The following RAB3GAP2 variants were observed in gnomAD, a reference collection of about 807,000 sequenced individuals.
RAB3GAP2 encodes rab3 GTPase-activating protein non-catalytic subunit.
Under a neutral mutation model 185.3 loss-of-function variants are expected in RAB3GAP2, and 87 were observed. The ratio of observed to expected loss-of-function variants is 0.47; its 90% CI spans 0.39 to 0.56. RAB3GAP2 has a LOEUF of 0.56. RAB3GAP2 is among the 20% of genes least tolerant of loss of function. RAB3GAP2 has a pLI of 0.00. For synonymous variants in RAB3GAP2, 554 were observed against 576.1 expected, an observed-to-expected ratio of 0.96 and a Z score of 0.55; for missense variants, 1,492 against 1,638.2, an observed-to-expected ratio of 0.91 and a Z score of 1.54.
intron 9 of RAB3GAP2, among the ~76,000 whole-genome samples, chr1:220,198,044 C>T (rs868090064): frequency 6.6e-6 from 1 of 152,138 alleles, no homozygotes; most frequent in Non-Finnish European, 1.5e-5. Context: ...ATTAATCCTA[C>T]TATTTTTTCC....
chr1:220,216,527 A>G (rs1229082328), intron 2 of RAB3GAP2, among the ~76,000 whole-genome samples: 1 of 152,186 alleles, frequency 6.6e-6, no homozygotes, highest in Non-Finnish European at 1.5e-5. Flanking sequence ...TGAGACTCCA[A>G]TTATACCAAC....
In RAB3GAP2 at chr1:220,214,945, ATTATAT is replaced by A. The variant is rs1282261054; in HGVS notation, c.181-972_181-967del. Among the ~76,000 whole-genome samples, 6 of 17,574 alleles carry A rather than the reference ATTATAT, an allele frequency of 3.4e-4. No homozygotes were observed. The East Asian group carries it at 0.01, about 30-fold the overall frequency. The allele number at this position is 17,574 out of a possible 152,430, so 11.5% of individuals were successfully genotyped here. A position where few individuals can be genotyped will look rare whatever the true frequency, so the allele number is the denominator to read the frequency against. ...CCCTTTTTCTTACAAGAATAGTAGC[ATTATAT>A]ATATATATATATATATATATATATA... is the stretch of plus-strand genomic sequence containing the variant. On this transcript the variant is annotated intron_variant, in intron 2 of 34. Coordinates refer to ENST00000358951, the MANE Select transcript of RAB3GAP2 (RefSeq NM_012414.4).
At chr1:220,176,948 T>TG (rs1339943311) in intron 21 of RAB3GAP2, among the ~76,000 whole-genome samples, 1 of 152,192 alleles carries the variant, frequency 6.6e-6, no homozygotes, top group Non-Finnish European at 1.5e-5. Flanking sequence ...AGGAACCTGC[T>TG]GGGCGACACA....
intron 4 of RAB3GAP2, among the ~76,000 whole-genome samples, chr1:220,212,619 G>A (rs1040123026): frequency 1.3e-5 from 2 of 151,840 alleles, no homozygotes; most frequent in Non-Finnish European, 2.9e-5. Flanking sequence ...TCAGCCTCCC[G>A]AGTAGCTGGG....
intron 24 of RAB3GAP2, 83 bp downstream of exon 24, chr1:220,170,805 TTCTC>T (rs1358065229): frequency 6.4e-6 from 7 of 1,094,698 alleles, no homozygotes; most frequent in African/African-American, 6.3e-5. Context: ...GTATTTTTCT[TTCTC>T]TATTCTTTCC....
intron 1 of RAB3GAP2, chr1:220,267,150 G>A (rs963790050): frequency 3.0e-5 from 36 of 1,194,374 alleles, no homozygotes; most frequent in Non-Finnish European, 4.4e-5. Flanking sequence ...CTGGCTTAAT[G>A]TCTCTATGAA....
chr1:220,235,476 G>A (rs1445949527), intron 1 of RAB3GAP2, among the ~76,000 whole-genome samples: 5 of 152,136 alleles, frequency 3.3e-5, no homozygotes, highest in Non-Finnish European at 5.9e-5. Context: ...TAAAAATAAT[G>A]TATATATCAA....
At chr1:220,237,539 A>G (rs1302489874) in intron 1 of RAB3GAP2, among the ~76,000 whole-genome samples, 1 of 152,236 alleles carries the variant, frequency 6.6e-6, no homozygotes. Context: ...TGAAGAAATT[A>G]AAATAATGAG....
intron 21 of RAB3GAP2, among the ~76,000 whole-genome samples, chr1:220,179,990 C>T (rs753143805): frequency 4.6e-5 from 7 of 152,000 alleles, no homozygotes; most frequent in East Asian, 3.9e-4. Flanking sequence ...TGTGAAACCC[C>T]GTCTCTACTA....
intron 7 of RAB3GAP2, among the ~76,000 whole-genome samples, chr1:220,206,761 T>C (rs1247244700): frequency 6.6e-6 from 1 of 152,230 alleles, no homozygotes; most frequent in Non-Finnish European, 1.5e-5. Context: ...CCTCAGACCT[T>C]TGCATGTGCT....
intron 19 of RAB3GAP2, among the ~76,000 whole-genome samples, chr1:220,183,422 AT>A (rs968315749): frequency 2.5e-4 from 37 of 147,348 alleles, no homozygotes; most frequent in Non-Finnish European, 2.1e-4. Flanking sequence ...CTAATTAAAA[AT>A]TTTTTTTTTT....
chr1:220,200,989 C>T (rs934450907), intron 9 of RAB3GAP2, among the ~76,000 whole-genome samples: 1 of 152,148 alleles, frequency 6.6e-6, no homozygotes, highest in Non-Finnish European at 1.5e-5. Flanking sequence ...GTGTGTCCTC[C>T]TCTGCTCCCA....
intron 21 of RAB3GAP2, among the ~76,000 whole-genome samples, chr1:220,178,719 GAC>G (rs1448980620): frequency 6.6e-6 from 1 of 151,302 alleles, no homozygotes; most frequent in Non-Finnish European, 1.5e-5. Flanking sequence ...TAAAAAAAAA[GAC>G]AGAAAAAAGA....
At chr1:220,170,381 C>T (rs573585096) in intron 24 of RAB3GAP2, among the ~76,000 whole-genome samples, 2 of 151,694 alleles carry the variant, frequency 1.3e-5, no homozygotes, top group African/African-American at 4.8e-5. Flanking sequence ...CAAACCTGCA[C>T]GTTCTGCATA....
chr1:220,200,168 C>G (rs1172878984), intron 9 of RAB3GAP2, among the ~76,000 whole-genome samples: 1 of 152,136 alleles, frequency 6.6e-6, no homozygotes, highest in Non-Finnish European at 1.5e-5. Context: ...GGCTCCCAGG[C>G]CTATATCCCT....
intron 21 of RAB3GAP2, among the ~76,000 whole-genome samples, chr1:220,181,155 G>T (rs1408900404): frequency 6.6e-6 from 1 of 152,144 alleles, no homozygotes; most frequent in Non-Finnish European, 1.5e-5. Flanking sequence ...TAGAGACAGG[G>T]TCTCACTCTA....
chr1:220,201,208 T>G (rs776408559), intron 9 of RAB3GAP2, among the ~76,000 whole-genome samples: 4 of 152,176 alleles, frequency 2.6e-5, no homozygotes, highest in African/African-American at 4.8e-5. Flanking sequence ...TTTACTAGTT[T>G]AAAGGTTACT....
In RAB3GAP2 at chr1:220,148,904, A is replaced by ATAAT. The variant is rs1657685412; in HGVS notation, c.*2343_*2346dup. 1.3e-5 allele frequency: 2 copies of ATAAT among 152,206 alleles called. No homozygotes were observed. The highest frequency in any genetic ancestry group is 6.5e-5 in the Admixed American group (1 of 15,280). 9.4% of individuals were successfully genotyped at this position (152,206 alleles called of 1,614,324 possible). A position where few individuals can be genotyped will look rare whatever the true frequency, so the allele number is the denominator to read the frequency against. ...TTGTTTTCCTTCAGCATTATACAAT[A>ATAAT]TAATTTAATAAGATACAAATGCATA... On this transcript the variant is annotated 3_prime_UTR_variant, in exon 35 of 35. Transcript: ENST00000358951.
At position 220,158,818 on chromosome 1, in the gene RAB3GAP2, T is replaced by G. The variant is rs1657907493; in HGVS notation, c.3261+568A>C. Among the ~76,000 whole-genome samples the G allele has an allele frequency of 6.6e-6, 1 of 152,114 alleles. No individual in the cohort carries two copies. The highest frequency in any genetic ancestry group is 6.6e-5 in the Admixed American group (1 of 15,260). On this transcript the variant is annotated intron_variant, in intron 29 of 34. Transcript: ENST00000358951. The surrounding 1 kb of genome is among the most constrained non-coding windows in gnomAD (Gnocchi z 4.3). ...AAATAATTCAGTGTTTGTGGGTACA[T>G]GCACACACACATGCATGCACACACA...
Sources: allele counts gnomAD v4.1 joint callset (sites outside exome capture counted in the v4.1 genomes callset), GRCh38; gene constraint gnomAD v4.1.1; non-coding constraint Gnocchi (gnomAD v3.1); transcripts MANE v1.5; gene names NCBI Gene and HGNC (gene_info 2026-07-23, HGNC 2026-07-21).